The following STPG2 variants were observed in gnomAD, a reference collection of about 807,000 sequenced individuals.
STPG2 encodes the protein sperm-tail PG-rich repeat-containing protein 2.
A neutral mutation model predicts 54.2 loss-of-function variants in STPG2; 56 were observed. The ratio of observed to expected loss-of-function variants is 1.03; its 90% CI spans 0.83 to 1.29. STPG2 has a LOEUF of 1.29. Ranked by LOEUF, STPG2 falls within the 50% of genes most tolerant of loss-of-function variation. The pLI, the probability that STPG2 is intolerant of heterozygous loss-of-function variation, is 0.00. For missense variants in STPG2, 596 were observed against 544.9 expected, an observed-to-expected ratio of 1.09 and a Z score of -0.93; for synonymous variants, 200 against 181.8, an observed-to-expected ratio of 1.10 and a Z score of -0.81.
chr4:97,944,749 C>T (rs972380615), intron 7 of STPG2, among the ~76,000 whole-genome samples: 11 of 152,010 alleles, frequency 7.2e-5, no homozygotes, highest in Non-Finnish European at 1.3e-4. Flanking sequence ...AGACATATTT[C>T]TTTCTTGGCC....
At chr4:97,864,509 T>A (rs1039003851) in intron 8 of STPG2, among the ~76,000 whole-genome samples, 4 of 152,102 alleles carry the variant, frequency 2.6e-5, no homozygotes, top group African/African-American at 9.7e-5. Flanking sequence ...AAAATGGCCA[T>A]ACTGCCCAAG....
At position 97,482,075 on chromosome 4, in the gene STPG2, G is replaced by A. The variant is rs79284558; in HGVS notation, c.462+230624C>T. Among the ~76,000 whole-genome samples the A allele has an allele frequency of 3.4e-3, 522 of 151,426 alleles. 2 individuals carry two copies. Among genetic ancestry groups the A allele is most frequent in the Non-Finnish European group, 4.8e-3 (326 of 67,588 alleles). ...GTATTTAAATTTGTTGGTCTTTTTG[G>A]TATCTTTTAAGATAATCATTTTTTT... On this transcript the variant is annotated intron_variant, in intron 4 of 4. Coordinates refer to the STPG2 transcript ENST00000522676.
chr4:97,959,322 A>T (rs1399635787), intron 7 of STPG2, among the ~76,000 whole-genome samples: 1 of 152,152 alleles, frequency 6.6e-6, no homozygotes, highest in Non-Finnish European at 1.5e-5. Context: ...CTAGAGAAAC[A>T]AGAAAAAACC....
chr4:97,937,200 T>C (rs1280043548), intron 8 of STPG2, among the ~76,000 whole-genome samples: 1 of 152,032 alleles, frequency 6.6e-6, no homozygotes, highest in Non-Finnish European at 1.5e-5. Flanking sequence ...CATTATAAAG[T>C]TCTTGTGGTG....
intron 8 of STPG2, among the ~76,000 whole-genome samples, chr4:97,895,535 T>C (rs1049891595): frequency 6.6e-6 from 1 of 151,878 alleles, no homozygotes; most frequent in Non-Finnish European, 1.5e-5. Flanking sequence ...ATGGTTTGCA[T>C]GATTCCCTTT....
At chr4:98,107,620 A>G (rs1422726164) in intron 4 of STPG2, among the ~76,000 whole-genome samples, 1 of 152,100 alleles carries the variant, frequency 6.6e-6, no homozygotes, top group East Asian at 1.9e-4. Context: ...ATCAGTTAAC[A>G]CTGCTTACAG....
At chr4:98,055,993 G>A (rs771501109) in intron 5 of STPG2, among the ~76,000 whole-genome samples, 15 of 152,054 alleles carry the variant, frequency 9.9e-5, no homozygotes, top group South Asian at 2.1e-4. Flanking sequence ...CTCCCCATAC[G>A]GCAGCTTTCC....
At chr4:97,691,515 C>T (rs768996020) in intron 10 of STPG2, among the ~76,000 whole-genome samples, 9 of 151,984 alleles carry the variant, frequency 5.9e-5, no homozygotes, top group Non-Finnish European at 1.3e-4. Flanking sequence ...CACAGCAGAC[C>T]CAGCAAGCCC....
At chr4:97,884,863 AC>A (rs1424498254) in intron 8 of STPG2, among the ~76,000 whole-genome samples, 3 of 152,110 alleles carry the variant, frequency 2.0e-5, no homozygotes, top group African/African-American at 7.2e-5. Context: ...CTTCTGACCT[AC>A]CTTTTCCTTC....
At chr4:97,900,037 T>C (rs1003396612) in intron 8 of STPG2, among the ~76,000 whole-genome samples, 2 of 152,154 alleles carry the variant, frequency 1.3e-5, no homozygotes, top group African/African-American at 4.8e-5. Context: ...GACAAAGGTC[T>C]AATATCCAGT....
intron 4 of STPG2, among the ~76,000 whole-genome samples, chr4:97,543,430 G>GT (rs1578376724): frequency 6.6e-6 from 1 of 151,496 alleles, no homozygotes; most frequent in Admixed American, 6.6e-5. Flanking sequence ...TAGTTTTAAT[G>GT]TAATAATAAC....
intron 5 of STPG2, among the ~76,000 whole-genome samples, chr4:98,040,477 T>C (rs886243516): frequency 6.6e-6 from 1 of 152,004 alleles, no homozygotes; most frequent in African/African-American, 2.4e-5. Flanking sequence ...CTTGAATTCA[T>C]CTTGGGTTGA....
chr4:98,047,443 G>T, intron 5 of STPG2, among the ~76,000 whole-genome samples: 1 of 151,456 alleles, frequency 6.6e-6, no homozygotes, highest in East Asian at 2.0e-4. Flanking sequence ...AATTGTGCAG[G>T]CAAATCCCTT....
chr4:97,574,763 T>G (rs191335903), intron 10 of STPG2, among the ~76,000 whole-genome samples: 59 of 152,212 alleles, frequency 3.9e-4, no homozygotes, highest in Non-Finnish European at 4.4e-5. Flanking sequence ...ATTTTTAACT[T>G]TCTTTCGGGT....
At chr4:97,756,615 C>T (rs570805472) in intron 9 of STPG2, among the ~76,000 whole-genome samples, 20 of 152,212 alleles carry the variant, frequency 1.3e-4, no homozygotes, top group African/African-American at 4.1e-4. Flanking sequence ...CGTGAGCCAC[C>T]GTGCCCGGCC....
intron 5 of STPG2, among the ~76,000 whole-genome samples, chr4:98,011,746 C>T (rs967516254): frequency 2.5e-4 from 38 of 152,210 alleles, no homozygotes; most frequent in African/African-American, 7.7e-4. Flanking sequence ...TTGTTGGCTG[C>T]ATAAATGTCT....
At chr4:97,924,782 C>T (rs1369472688) in intron 8 of STPG2, among the ~76,000 whole-genome samples, 1 of 152,066 alleles carries the variant, frequency 6.6e-6, no homozygotes, top group East Asian at 1.9e-4. Flanking sequence ...GTAGATAAGT[C>T]ATGTTTGCAT....
chr4:98,016,450 A>AT (rs1041807510), intron 5 of STPG2, among the ~76,000 whole-genome samples: 1 of 149,912 alleles, frequency 6.7e-6, no homozygotes, highest in Non-Finnish European at 1.5e-5. Context: ...ACTCTTTTTC[A>AT]TTTTTTCTTT....
intron 10 of STPG2, among the ~76,000 whole-genome samples, chr4:97,567,863 T>G (rs960052175): frequency 6.6e-6 from 1 of 152,156 alleles, no homozygotes; most frequent in African/African-American, 2.4e-5. Context: ...AATATATAGA[T>G]ATGTGCATTT....
Sources: gnomAD v4.1 joint callset for allele counts (sites outside exome capture counted in the v4.1 genomes callset) on GRCh38, gnomAD v4.1.1 for gene constraint, MANE v1.5 for transcripts, NCBI Gene and HGNC (gene_info 2026-07-23, HGNC 2026-07-21) for gene names.